DCK: variants seen among roughly 807,000 people sequenced by gnomAD.
DCK encodes the protein deoxyadenosine kinase.
In DCK, 23 loss-of-function variants were observed where a neutral mutation model predicts 38.3. That is an observed-to-expected ratio of 0.60 (90% CI 0.43 to 0.85). The LOEUF (loss-of-function observed/expected upper bound fraction) is 0.85, where lower values mean the gene tolerates loss of function less well. Among genes scored for constraint, DCK ranks in the 40% least tolerant of loss-of-function variants. DCK has a pLI of 0.00. For missense variants in DCK, 259 were observed against 304.4 expected (o/e 0.85, Z 1.11); for synonymous variants, 108 against 100.6 (o/e 1.07, Z -0.44).
At chr4:70,998,227 G>T (rs1292946886) in intron 2 of DCK, 45 bp downstream of exon 2, 2 of 897,726 alleles carry the variant, frequency 2.2e-6, no homozygotes, top group African/African-American at 1.7e-5. Context: ...TTGGTTTAGA[G>T]GAGCAGTAGT....
intron 2 of DCK, among the ~76,000 whole-genome samples, chr4:71,004,911 C>A (rs765255198): frequency 4.1e-4 from 63 of 152,206 alleles, no homozygotes; most frequent in Non-Finnish European, 2.8e-4. Flanking sequence ...GGGGTGGGAT[C>A]TGCTGAGCAA....
At chr4:71,004,363 A>G (rs1187073619) in intron 2 of DCK, among the ~76,000 whole-genome samples, 2 of 152,160 alleles carry the variant, frequency 1.3e-5, no homozygotes, top group Non-Finnish European at 2.9e-5. Context: ...GCCAGAGGCT[A>G]GCCAGAGCTC....
Position 71,029,570 on chromosome 4 carries a change from T to TAAAAA in DCK, c.*194_*198dup. 1.8e-6 allele frequency: 1 copy of TAAAAA among 547,586 alleles called. No homozygotes were observed. Among genetic ancestry groups the TAAAAA allele is most frequent in the Non-Finnish European group, 3.3e-6 (1 of 307,320 alleles). 33.9% of individuals were successfully genotyped at this position (547,586 alleles called of 1,614,324 possible). On this transcript the variant is annotated 3_prime_UTR_variant, in exon 7 of 7. Transcript: ENST00000286648. ...AGTTTCTTTTCTTTTGTTTTTTTTTTAAAAAAGACATTTAAAGACAAAGAC... is the reference window on the plus strand; with the variant it reads ...AGTTTCTTTTCTTTTGTTTTTTTTTTAAAAAAAAAAAGACATTTAAAGACAAAGAC...
intron 1 of DCK, among the ~76,000 whole-genome samples, chr4:70,996,644 A>G (rs1449019298): frequency 6.6e-6 from 1 of 152,224 alleles, no homozygotes; most frequent in Non-Finnish European, 1.5e-5. Flanking sequence ...AAATGCACAA[A>G]TTGTTAAGCT....
At chr4:71,006,133 CAAAA>C (rs67497388) in intron 2 of DCK, among the ~76,000 whole-genome samples, 13 of 104,308 alleles carry the variant, frequency 1.2e-4, no homozygotes, top group Non-Finnish European at 1.9e-4. Context: ...ACAAAAACAC[CAAAA>C]AAAAAAAAAA....
At chr4:71,028,691 G>T (rs757380418) in intron 6 of DCK, 2 of 443,744 alleles carry the variant, frequency 4.5e-6, no homozygotes, top group Non-Finnish European at 4.5e-6. Context: ...CACCTCCCAG[G>T]TTCAACCAGT....
intron 2 of DCK, among the ~76,000 whole-genome samples, chr4:71,022,136 A>G (rs1054326183): frequency 6.6e-6 from 1 of 152,258 alleles, no homozygotes; most frequent in Non-Finnish European, 1.5e-5. Context: ...GATTTCTTCC[A>G]TAGGTTATTA....
chr4:71,013,751 G>A (rs1057333390), intron 2 of DCK, among the ~76,000 whole-genome samples: 10 of 152,048 alleles, frequency 6.6e-5, no homozygotes, highest in Non-Finnish European at 1.5e-4. Flanking sequence ...CAAGAGCTCC[G>A]GAAGGAAGCA....
At chr4:71,003,518 G>A (rs1739863536) in intron 2 of DCK, among the ~76,000 whole-genome samples, 1 of 152,124 alleles carries the variant, frequency 6.6e-6, no homozygotes, top group South Asian at 2.1e-4. Flanking sequence ...GCTAGGTTGG[G>A]GAAGTTCTCC....
intron 2 of DCK, among the ~76,000 whole-genome samples, chr4:71,002,552 A>C (rs1278579453): frequency 6.6e-6 from 1 of 152,088 alleles, no homozygotes; most frequent in Non-Finnish European, 1.5e-5. Flanking sequence ...TAATATTGAC[A>C]GTGGGGTGTT....
intron 1 of DCK, among the ~76,000 whole-genome samples, chr4:70,995,071 C>T (rs1203850752): frequency 6.6e-6 from 1 of 152,172 alleles, no homozygotes; most frequent in Non-Finnish European, 1.5e-5. Flanking sequence ...CAAGCAGATG[C>T]TTTAAGCATT....
At chr4:71,004,783 C>A (rs761592820) in intron 2 of DCK, among the ~76,000 whole-genome samples, 1 of 152,208 alleles carries the variant, frequency 6.6e-6, no homozygotes, top group Non-Finnish European at 1.5e-5. Context: ...CTACTGAAGT[C>A]TCAGTAATGG....
intron 4 of DCK, 143 bp from the exon 5 acceptor site, chr4:71,025,673 G>C: frequency 1.8e-6 from 2 of 1,125,872 alleles, no homozygotes; most frequent in Non-Finnish European, 2.3e-6. Flanking sequence ...AGGGAAAAAT[G>C]AATTATTTCA....
intron 2 of DCK, among the ~76,000 whole-genome samples, chr4:71,015,389 T>C (rs2148916845): frequency 6.6e-6 from 1 of 152,306 alleles, no homozygotes; most frequent in Non-Finnish European, 1.5e-5. Flanking sequence ...TCTGAAACTA[T>C]TCCAATCAAT....
At chr4:70,998,605 T>C (rs1739711373) in intron 2 of DCK, among the ~76,000 whole-genome samples, 1 of 152,084 alleles carries the variant, frequency 6.6e-6, no homozygotes, top group Admixed American at 6.6e-5. Flanking sequence ...ATTCTTGAGG[T>C]TACTGAGGGG....
intron 2 of DCK, among the ~76,000 whole-genome samples, chr4:71,011,125 T>C (rs948273717): frequency 6.6e-6 from 1 of 151,864 alleles, no homozygotes; most frequent in Non-Finnish European, 1.5e-5. Context: ...GTAATTTTAG[T>C]AGAGATGGGG....
rs551033071 is a variant in DCK at position 71,016,465 on chromosome 4, C to T, written c.208-5902C>T. 4.6e-5 allele frequency among the ~76,000 whole-genome samples: 7 copies of T among 152,222 alleles called. No homozygotes were observed. In the South Asian group the frequency reaches 8.3e-4, roughly 18 times the overall value. ...GTTCATAAGGAACCAAAAAAGAGCC[C>T]GCATTGCCAGGTAAATCCTAAGCCA... is the stretch of plus-strand genomic sequence containing the variant. On this transcript the variant is annotated intron_variant, in intron 2 of 6. Coordinates refer to ENST00000286648, the MANE Select transcript of DCK (RefSeq NM_000788.3).
In DCK at chr4:71,019,030, G is replaced by A. The variant is rs143013136; in HGVS notation, c.208-3337G>A. ...TGCATACAAAAAACCCTAGCAATTT[G>A]TCTCAAATTTCATGCATAGGATCAA... On this transcript the variant is annotated intron_variant, in intron 2 of 6. Transcript: ENST00000286648. 9.9e-5 allele frequency among the ~76,000 whole-genome samples: 15 copies of A among 152,190 alleles called. No individual in the cohort carries two copies. In the East Asian group the frequency reaches 2.3e-3, roughly 24 times the overall value.
At chr4:71,019,782 A>AT (rs67862573) in intron 2 of DCK, among the ~76,000 whole-genome samples, 120,613 of 150,812 alleles carry the variant, frequency 0.8, 53,287 homozygotes, top group Non-Finnish European at 0.97. Context: ...TATACCTTTT[A>AT]TTTTTTTTTA....
Sources: allele counts gnomAD v4.1 joint callset (sites outside exome capture counted in the v4.1 genomes callset), GRCh38; gene constraint gnomAD v4.1.1; transcripts MANE v1.5; gene names NCBI Gene and HGNC (gene_info 2026-07-23, HGNC 2026-07-21).